The following CSMD1 variants were observed in gnomAD, a reference collection of about 807,000 sequenced individuals.
CSMD1 encodes the protein CUB and Sushi multiple domains 1.
A neutral mutation model predicts 417.5 loss-of-function variants in CSMD1; 213 were observed. The ratio of observed to expected loss-of-function variants is 0.51; its 90% CI spans 0.46 to 0.57. The LOEUF is 0.57. Among genes scored for constraint, CSMD1 ranks in the 20% least tolerant of loss-of-function variants. CSMD1 has a pLI of 0.00. For synonymous variants in CSMD1, 2,862 were observed against 1,736.8 expected (o/e 1.65, Z -16.11); for missense variants, 6,923 against 4,529.7 (o/e 1.53, Z -15.17).
intron 5 of CSMD1, among the ~76,000 whole-genome samples, chr8:3,884,440 G>C (rs1340395669): frequency 6.6e-6 from 1 of 152,172 alleles, no homozygotes; most frequent in Non-Finnish European, 1.5e-5. Flanking sequence ...AAAGACACCA[G>C]AGAACAAAAA....
At chr8:4,745,012 A>G (rs181492539) in intron 1 of CSMD1, among the ~76,000 whole-genome samples, 3 of 152,330 alleles carry the variant, frequency 2.0e-5, no homozygotes, top group South Asian at 2.1e-4. Context: ...ACCTATCATA[A>G]TAAACTTGTG....
intron 49 of CSMD1, among the ~76,000 whole-genome samples, chr8:3,071,448 C>G (rs1007610029): frequency 6.6e-6 from 1 of 152,058 alleles, no homozygotes; most frequent in Non-Finnish European, 1.5e-5. Flanking sequence ...CAGCAAACCA[C>G]CATGGCACAT....
At chr8:3,772,309 A>G (rs545119508) in intron 5 of CSMD1, among the ~76,000 whole-genome samples, 1 of 136,770 alleles carries the variant, frequency 7.3e-6, no homozygotes, top group Non-Finnish European at 1.5e-5. Flanking sequence ...ACATATATTT[A>G]GACATACATA....
Position 2,998,019 on chromosome 8 carries a change from G to C in CSMD1, c.8369C>G (p.Thr2790Arg), listed in dbSNP as rs375656220. ...SNGQWSSPLP[T>R]CRVVNCSDPG... ...CTGGATGCTGTTCCTACCTCGACAC[G>C]TGGGCAGAGGGCTACTCCACTGGCC... Residue 2790 changes from threonine to arginine, a missense_variant, in exon 54 of 70, where the codon ACG (threonine) becomes AGG (arginine). Transcript: ENST00000635120. 2.5e-6 allele frequency: 4 copies of C among 1,613,530 alleles called. No individual in the cohort carries two copies. The highest frequency in any genetic ancestry group is 3.3e-5 in the Admixed American group (2 of 59,984).
chr8:3,685,045 C>G (rs1799877545), intron 7 of CSMD1, among the ~76,000 whole-genome samples: 1 of 151,950 alleles, frequency 6.6e-6, no homozygotes, highest in Non-Finnish European at 1.5e-5. Flanking sequence ...TCATCCAAGC[C>G]CAGTTTTTGA....
intron 6 of CSMD1, among the ~76,000 whole-genome samples, chr8:3,711,066 T>C (rs1801480919): frequency 6.6e-6 from 1 of 152,186 alleles, no homozygotes; most frequent in Non-Finnish European, 1.5e-5. Flanking sequence ...TGAGATATTT[T>C]CCTATAGCAA....
intron 5 of CSMD1, among the ~76,000 whole-genome samples, chr8:3,915,102 A>G (rs936944584): frequency 6.6e-6 from 1 of 152,222 alleles, no homozygotes; most frequent in East Asian, 1.9e-4. Flanking sequence ...CTAATAATGA[A>G]GAGTCAAGAG....
intron 1 of CSMD1, among the ~76,000 whole-genome samples, chr8:4,948,716 T>A (rs1457141770): frequency 6.6e-6 from 1 of 152,126 alleles, no homozygotes; most frequent in Non-Finnish European, 1.5e-5. Flanking sequence ...GAATTTTCTA[T>A]GTAGGCATCT....
At chr8:3,767,120 T>C (rs1259812140) in intron 5 of CSMD1, among the ~76,000 whole-genome samples, 1 of 152,192 alleles carries the variant, frequency 6.6e-6, no homozygotes, top group East Asian at 1.9e-4. Context: ...AGCCGTGGGG[T>C]TCCGCTGAGG....
At chr8:4,509,095 A>G (rs1035182177) in intron 2 of CSMD1, among the ~76,000 whole-genome samples, 1 of 152,166 alleles carries the variant, frequency 6.6e-6, no homozygotes, top group African/African-American at 2.4e-5. Context: ...AGGCAGAGGG[A>G]AAAAAGAAAA....
In CSMD1 at chr8:3,214,585, G is replaced by C. The variant is rs73183587; in HGVS notation, c.4779C>G (p.Gly1593=). The change falls in exon 30 of 70, where the codon GGC becomes GGG. Residue 1593 remains glycine, a synonymous_variant. Coordinates refer to ENST00000635120, the MANE Select transcript of CSMD1 (RefSeq NM_033225.6). ...GSTITYQCDS[G]YKILDPSSIT... ...TGGATGAGGGGTCAAGAATCTTATA[G>C]CCAGAGTCACACTGGTAGGTGATGG... 198,156 of 1,576,492 alleles carry C rather than the reference G, an allele frequency of 0.13. 13,632 individuals are homozygous for C. Among genetic ancestry groups the C allele is most frequent in the Non-Finnish European group, 0.14 (160,891 of 1,160,088 alleles).
chr8:3,169,006 G>T (rs563643935), intron 37 of CSMD1, among the ~76,000 whole-genome samples: 74 of 152,250 alleles, frequency 4.9e-4, no homozygotes, highest in Non-Finnish European at 9.6e-4. Context: ...CTCTCATCAA[G>T]TTTATTTAAT....
At chr8:4,696,551 G>A (rs1385619351) in intron 1 of CSMD1, among the ~76,000 whole-genome samples, 1 of 152,118 alleles carries the variant, frequency 6.6e-6, no homozygotes, top group Non-Finnish European at 1.5e-5. Context: ...CTAATATTTG[G>A]GGAGGCTACA....
chr8:4,808,076 A>C (rs1798691567), intron 1 of CSMD1, among the ~76,000 whole-genome samples: 1 of 152,168 alleles, frequency 6.6e-6, no homozygotes, highest in African/African-American at 2.4e-5. Context: ...TGTGGGCTCA[A>C]TGTCCTTATT....
At chr8:4,167,915 G>A (rs984892349) in intron 3 of CSMD1, among the ~76,000 whole-genome samples, 46 of 151,984 alleles carry the variant, frequency 3.0e-4, no homozygotes, top group African/African-American at 1.1e-3. Flanking sequence ...ACTGCCTGAG[G>A]TCAGGAGTTC....
At chr8:4,408,062 C>G (rs1486597134) in intron 3 of CSMD1, among the ~76,000 whole-genome samples, 2 of 152,114 alleles carry the variant, frequency 1.3e-5, no homozygotes, top group African/African-American at 4.8e-5. Context: ...GCTTTCCATT[C>G]CATTATTCTA....
At chr8:3,251,371 T>A (rs1209804502) in intron 26 of CSMD1, among the ~76,000 whole-genome samples, 1 of 152,188 alleles carries the variant, frequency 6.6e-6, no homozygotes, top group African/African-American at 2.4e-5. Flanking sequence ...ATCAGATAGT[T>A]GTAGATATGT....
intron 49 of CSMD1, among the ~76,000 whole-genome samples, chr8:3,070,565 C>A (rs1409467190): frequency 6.6e-6 from 1 of 152,204 alleles, no homozygotes; most frequent in Non-Finnish European, 1.5e-5. Context: ...CCAAGCTCTT[C>A]ACTAAGGCAT....
At chr8:4,541,311 T>G (rs559590718) in intron 2 of CSMD1, among the ~76,000 whole-genome samples, 12 of 152,312 alleles carry the variant, frequency 7.9e-5, no homozygotes, top group Non-Finnish European at 1.6e-4. Flanking sequence ...ACTACCCCCA[T>G]GCAGTTCTTA....
Sources: gnomAD v4.1 joint callset for allele counts (sites outside exome capture counted in the v4.1 genomes callset) on GRCh38, gnomAD v4.1.1 for gene constraint, MANE v1.5 for transcripts, NCBI Gene and HGNC (gene_info 2026-07-23, HGNC 2026-07-21) for gene names.